Variants in DCC observed in about 807,000 individuals in gnomAD.
DCC encodes the protein DCC netrin 1 receptor.
Under a neutral mutation model 172.5 loss-of-function variants are expected in DCC, and 58 were observed. The ratio of observed to expected loss-of-function variants is 0.34; its 90% CI spans 0.27 to 0.42. The LOEUF (loss-of-function observed/expected upper bound fraction) is 0.42, where lower values mean the gene tolerates loss of function less well. Ranked by LOEUF, DCC falls within the 10% of genes least tolerant of loss-of-function variation. The pLI is 1.00. For synonymous variants in DCC, 709 were observed against 644.5 expected (o/e 1.10, Z -1.52); for missense variants, 1,740 against 1,791.0 (o/e 0.97, Z 0.51).
chr18:52,445,758 A>T (rs927599125), intron 1 of DCC, among the ~76,000 whole-genome samples: 1 of 152,170 alleles, frequency 6.6e-6, no homozygotes, highest in Non-Finnish European at 1.5e-5. Flanking sequence ...TCAAATATTT[A>T]TACCAAACTC....
intron 2 of DCC, among the ~76,000 whole-genome samples, chr18:52,792,644 C>T (rs913143756): frequency 1.6e-4 from 24 of 152,164 alleles, no homozygotes; most frequent in Admixed American, 5.9e-4. Flanking sequence ...GTGTGACATC[C>T]GAGTCTTTAA....
intron 2 of DCC, among the ~76,000 whole-genome samples, chr18:52,885,523 G>A (rs1364851658): frequency 6.6e-6 from 1 of 152,050 alleles, no homozygotes; most frequent in African/African-American, 2.4e-5. Context: ...TTTGGTAAAT[G>A]CTGTCAGGCC....
intron 2 of DCC, among the ~76,000 whole-genome samples, chr18:52,821,599 G>A (rs1179694361): frequency 6.6e-6 from 1 of 152,170 alleles, no homozygotes. Context: ...CCAATCTCAT[G>A]AAAGTCATCA....
At chr18:53,150,397 C>G (rs572095441) in intron 7 of DCC, among the ~76,000 whole-genome samples, 2 of 152,178 alleles carry the variant, frequency 1.3e-5, no homozygotes, top group South Asian at 4.1e-4. Context: ...TTAGCTGGAC[C>G]CTGCAATAAT....
intron 1 of DCC, among the ~76,000 whole-genome samples, chr18:52,378,550 T>G (rs757414787): frequency 6.6e-6 from 1 of 152,020 alleles, no homozygotes; most frequent in African/African-American, 2.4e-5. Context: ...ATATATATAC[T>G]TTTTTTGAGA....
At chr18:52,965,030 G>A (rs2040906926) in intron 5 of DCC, 1 of 151,858 alleles carries the variant, frequency 6.6e-6, no homozygotes, top group Non-Finnish European at 1.5e-5. Flanking sequence ...TCTCTTTTGA[G>A]GATCCTTGTG....
At chr18:52,569,736 GTGGAGT>G (rs1407417725) in intron 1 of DCC, among the ~76,000 whole-genome samples, 5 of 152,180 alleles carry the variant, frequency 3.3e-5, no homozygotes, top group Non-Finnish European at 7.3e-5. Flanking sequence ...GTAAGGTGGG[GTGGAGT>G]TGGTGTACCA....
At chr18:53,177,330 TA>T (rs915573040) in intron 8 of DCC, among the ~76,000 whole-genome samples, 59 of 150,734 alleles carry the variant, frequency 3.9e-4, no homozygotes, top group South Asian at 3.0e-3. Context: ...TAAAGTATAA[TA>T]AAAAAAAAGA....
intron 7 of DCC, among the ~76,000 whole-genome samples, chr18:53,066,392 T>C (rs887868815): frequency 7.3e-6 from 1 of 136,352 alleles, no homozygotes; most frequent in African/African-American, 2.7e-5. Context: ...TATATATATA[T>C]ATATATGTGC....
chr18:52,846,784 AGTG>A (rs1002089553), intron 2 of DCC, among the ~76,000 whole-genome samples: 83 of 152,270 alleles, frequency 5.5e-4, no homozygotes, highest in African/African-American at 1.9e-3. Flanking sequence ...TGGAAAAAGT[AGTG>A]GTGGAGAAAG....
chr18:53,231,812 C>T (rs1598929478), intron 12 of DCC, among the ~76,000 whole-genome samples: 1 of 152,050 alleles, frequency 6.6e-6, no homozygotes, highest in Non-Finnish European at 1.5e-5. Flanking sequence ...TTATCGCATG[C>T]ACAACAGAAA....
rs142936128 is a variant in DCC at position 52,726,296 on chromosome 18, C to T, written c.92-25758C>T. Among the ~76,000 whole-genome samples the T allele has an allele frequency of 6.6e-5, 10 of 152,282 alleles. No homozygotes were observed. In the East Asian group the frequency reaches 1.9e-3, roughly 29 times the overall value. ...GGAGTCTGCAATCTTAACCACTATC[C>T]TTTCTCTCTGTAATCCAGCAATTTG... On this transcript the variant is annotated intron_variant, in intron 1 of 28. Coordinates refer to ENST00000442544, the MANE Select transcript of DCC (RefSeq NM_005215.4).
intron 1 of DCC, among the ~76,000 whole-genome samples, chr18:52,588,220 A>G (rs1220425580): frequency 6.6e-6 from 1 of 152,156 alleles, no homozygotes. Context: ...TGATTCACCT[A>G]TAGGGTCCTG....
intron 12 of DCC, among the ~76,000 whole-genome samples, chr18:53,302,924 C>CAG (rs1277903446): frequency 6.6e-6 from 1 of 152,144 alleles, no homozygotes; most frequent in Non-Finnish European, 1.5e-5. Context: ...TAGTATTTTA[C>CAG]AGCAATGTGC....
intron 2 of DCC, among the ~76,000 whole-genome samples, chr18:52,795,023 G>A (rs1292547686): frequency 6.6e-6 from 1 of 151,958 alleles, no homozygotes; most frequent in Non-Finnish European, 1.5e-5. Flanking sequence ...GTTGGATTAA[G>A]TTTGCTAATA....
intron 1 of DCC, among the ~76,000 whole-genome samples, chr18:52,623,380 CAG>C (rs1425609207): frequency 5.3e-5 from 8 of 152,298 alleles, no homozygotes; most frequent in Admixed American, 5.2e-4. Context: ...ATCAGGAAAA[CAG>C]ATGCATTCTC....
intron 20 of DCC, among the ~76,000 whole-genome samples, chr18:53,411,871 CGTT>C (rs1910009369): frequency 6.6e-6 from 1 of 151,932 alleles, no homozygotes; most frequent in Non-Finnish European, 1.5e-5. Context: ...AAAGGCAACT[CGTT>C]ATTCATTTTG....
At chr18:53,304,258 G>C (rs562538803) in intron 12 of DCC, among the ~76,000 whole-genome samples, 6 of 152,222 alleles carry the variant, frequency 3.9e-5, no homozygotes, top group Admixed American at 1.3e-4. Flanking sequence ...GCTTGAGGGT[G>C]GGGCCTTTTG....
intron 12 of DCC, among the ~76,000 whole-genome samples, chr18:53,227,270 A>G (rs1309011196): frequency 6.6e-6 from 1 of 151,968 alleles, no homozygotes; most frequent in African/African-American, 2.4e-5. Flanking sequence ...TTAAGATATA[A>G]CTTCTTTAGA....
Sources: gnomAD v4.1 joint callset for allele counts (sites outside exome capture counted in the v4.1 genomes callset) on GRCh38, gnomAD v4.1.1 for gene constraint, MANE v1.5 for transcripts, NCBI Gene and HGNC (gene_info 2026-07-23, HGNC 2026-07-21) for gene names.